Variants in CMC2 observed in about 807,000 individuals in gnomAD.
CMC2 encodes the protein COX assembly mitochondrial protein 2 homolog.
Under a neutral mutation model 7.5 loss-of-function variants are expected in CMC2, and 5 were observed. The observed-to-expected ratio is 0.66, with a 90% CI of 0.35 to 1.40. CMC2 has a LOEUF of 1.40. Among genes scored for constraint, CMC2 ranks in the 40% most tolerant of loss-of-function variants. CMC2 has a pLI of 0.04. For missense variants in CMC2, 115 were observed against 92.3 expected (o/e 1.25, Z -1.01); for synonymous variants, 37 against 31.4 (o/e 1.18, Z -0.60).
intron 2 of CMC2, among the ~76,000 whole-genome samples, chr16:80,984,321 A>C (rs556856226): frequency 1.5e-4 from 23 of 152,324 alleles, no homozygotes; most frequent in Non-Finnish European, 2.8e-4. Context: ...TAGTTGTAAT[A>C]ATAAGCACAT....
At chr16:80,979,186 A>G (rs1305077687) in intron 3 of CMC2, among the ~76,000 whole-genome samples, 1 of 152,228 alleles carries the variant, frequency 6.6e-6, no homozygotes, top group African/African-American at 2.4e-5. Context: ...AGTAGAGAAG[A>G]AATACATGAG....
intron 3 of CMC2, among the ~76,000 whole-genome samples, chr16:80,978,956 C>A (rs1966885641): frequency 6.6e-6 from 1 of 152,054 alleles, no homozygotes; most frequent in Non-Finnish European, 1.5e-5. Context: ...TGGTGGGCAC[C>A]TGTAGTCCCA....
intron 2 of CMC2, chr16:80,988,683 A>G (rs1967734318): frequency 1.6e-6 from 1 of 632,410 alleles, no homozygotes; most frequent in Non-Finnish European, 2.8e-6. Context: ...TAATTTATAG[A>G]CCTTATTCAA....
At chr16:80,977,501 A>G (rs1912548103) in intron 3 of CMC2, among the ~76,000 whole-genome samples, 1 of 152,202 alleles carries the variant, frequency 6.6e-6, no homozygotes, top group South Asian at 2.1e-4. Context: ...GTTAAACATC[A>G]GAATCTTTTA....
chr16:80,989,390 G>C (rs1055498536), intron 2 of CMC2, among the ~76,000 whole-genome samples: 1 of 152,106 alleles, frequency 6.6e-6, no homozygotes, highest in South Asian at 2.1e-4. Flanking sequence ...TTATTCAATT[G>C]ATTATATTAT....
chr16:80,989,317 T>C (rs1335566301), intron 2 of CMC2, among the ~76,000 whole-genome samples: 1 of 152,220 alleles, frequency 6.6e-6, no homozygotes, highest in African/African-American at 2.4e-5. Context: ...GGCATTCTAC[T>C]GTAAGGGAAA....
In CMC2 at chr16:80,989,602, G is replaced by A. The variant is rs141280641; in HGVS notation, c.81+7712C>T. Reference sequence around the variant, plus strand: ...AGGATCCCTGTTTCTGTTTACGGAAGAGCGGTATTTAAAAAACAAAATCTG... The same window carrying A: ...AGGATCCCTGTTTCTGTTTACGGAAAAGCGGTATTTAAAAAACAAAATCTG... On this transcript the variant is annotated intron_variant, in intron 2 of 3. Coordinates refer to ENST00000219400, the MANE Select transcript of CMC2 (RefSeq NM_020188.5). 1.3e-3 allele frequency among the ~76,000 whole-genome samples: 201 copies of A among 152,302 alleles called. 1 individual carries two copies. The highest frequency in any genetic ancestry group is 4.6e-3 in the African/African-American group (192 of 41,562).
intron 3 of CMC2, among the ~76,000 whole-genome samples, chr16:80,979,969 G>A (rs188877071): frequency 6.6e-6 from 1 of 151,866 alleles, no homozygotes; most frequent in East Asian, 1.9e-4. Context: ...CCAGACTGAA[G>A]CACTGTGGCG....
chr16:81,000,606 T>C (rs1216508160), intron 1 of CMC2, among the ~76,000 whole-genome samples: 2 of 152,146 alleles, frequency 1.3e-5, no homozygotes, highest in Non-Finnish European at 2.9e-5. Context: ...ATGCTCAACA[T>C]CACTAATCAT....
chr16:80,996,419 T>C (rs537793029), intron 2 of CMC2, among the ~76,000 whole-genome samples: 21 of 152,354 alleles, frequency 1.4e-4, no homozygotes, highest in South Asian at 1.0e-3. Context: ...TTATATAGTT[T>C]TTACTTTAAA....
At chr16:81,002,052 T>A (rs1293262560) in intron 1 of CMC2, among the ~76,000 whole-genome samples, 1 of 152,186 alleles carries the variant, frequency 6.6e-6, no homozygotes, top group Non-Finnish European at 1.5e-5. Flanking sequence ...TTATCCAATA[T>A]CGTACCAATA....
At position 80,968,429 on chromosome 16, in the gene CMC2, CCA is replaced by C. The variant is rs1911701677; in HGVS notation, c.*7662_*7663del. 6.6e-6 allele frequency: 1 copy of C among 152,168 alleles called. No individual in the cohort carries two copies. The highest frequency in any genetic ancestry group is 2.4e-5 in the African/African-American group (1 of 41,424). The allele number at this position is 152,168 out of a possible 1,614,324, so 9.4% of individuals were successfully genotyped here. ...TACGCTAAAGCTGCTGGCCCACGGA[CCA>C]CAGTCTAATGGCCCAAATGCAGATG... On this transcript the variant is annotated 3_prime_UTR_variant, in exon 4 of 4. Coordinates refer to ENST00000219400, the MANE Select transcript of CMC2 (RefSeq NM_020188.5).
At chr16:80,978,882 C>T (rs1269389512) in intron 3 of CMC2, among the ~76,000 whole-genome samples, 1 of 152,052 alleles carries the variant, frequency 6.6e-6, no homozygotes. Flanking sequence ...AAGATCAAGA[C>T]CATCCTAGCT....
chr16:81,006,655 G>A (rs1386849333), intron 1 of CMC2, 79 bp downstream of exon 1: 26 of 959,448 alleles, frequency 2.7e-5, no homozygotes, highest in Non-Finnish European at 3.1e-5. Flanking sequence ...GCAGGAAGGG[G>A]CTCGGCGGGA....
intron 3 of CMC2, among the ~76,000 whole-genome samples, chr16:80,981,114 A>G (rs1361385419): frequency 1.3e-5 from 2 of 151,860 alleles, no homozygotes; most frequent in Non-Finnish European, 2.9e-5. Context: ...AACAAAAATG[A>G]TATCTGAAAG....
intron 1 of CMC2, chr16:80,998,691 T>A (rs561026134): frequency 1.3e-5 from 2 of 152,276 alleles, no homozygotes; most frequent in Middle Eastern, 3.4e-3. Flanking sequence ...CTATTCAGCC[T>A]TAAAATGGAA....
intron 1 of CMC2, among the ~76,000 whole-genome samples, chr16:81,004,277 C>G (rs1473208064): frequency 6.6e-6 from 1 of 152,150 alleles, no homozygotes; most frequent in African/African-American, 2.4e-5. Context: ...GTGAAAGGAA[C>G]ATAAGACCTC....
intron 2 of CMC2, among the ~76,000 whole-genome samples, chr16:80,987,995 G>T (rs1967671078): frequency 6.6e-6 from 1 of 151,692 alleles, no homozygotes; most frequent in Non-Finnish European, 1.5e-5. Context: ...GGGCAACACA[G>T]GAGAGCCTGT....
At position 80,971,564 on chromosome 16, in the gene CMC2, T is replaced by TATATATATATATATATATATATATA. The variant is rs1555512300; in HGVS notation, c.*4528_*4529insTATATATATATATATATATATATAT. ...CTATGGATACTGACATACATACATT[T>TATATATATATATATATATATATATA]TATATATATATATATATATATGTAT... On this transcript the variant is annotated 3_prime_UTR_variant, in exon 4 of 4. Coordinates refer to ENST00000219400, the MANE Select transcript of CMC2 (RefSeq NM_020188.5). The TATATATATATATATATATATATATA allele has an allele frequency of 2.6e-4, 32 of 121,236 alleles. No individual in the cohort carries two copies. Among genetic ancestry groups the TATATATATATATATATATATATATA allele is most frequent in the African/African-American group, 1.2e-3 (30 of 25,746 alleles). The allele number at this position is 121,236 out of a possible 1,614,324, so 7.5% of individuals were successfully genotyped here. A position where few individuals can be genotyped will look rare whatever the true frequency, so the allele number is the denominator to read the frequency against.
Sources: allele counts gnomAD v4.1 joint callset (sites outside exome capture counted in the v4.1 genomes callset), GRCh38; gene constraint gnomAD v4.1.1; transcripts MANE v1.5; gene names NCBI Gene and HGNC (gene_info 2026-07-23, HGNC 2026-07-21).